The following ARFGEF1 variants were observed in gnomAD, a reference collection of about 807,000 sequenced individuals.
ARFGEF1 encodes brefeldin A-inhibited guanine nucleotide-exchange protein 1.
ARFGEF1 carries 42 observed loss-of-function variants against 231.0 expected under a neutral mutation model. The observed-to-expected ratio is 0.18, with a 90% confidence interval of 0.14 to 0.24. The LOEUF is 0.24. Ranked by LOEUF, ARFGEF1 falls within the 10% of genes least tolerant of loss-of-function variation. The probability of loss-of-function intolerance (pLI) is 1.00; values close to 1 mark genes in which losing one functional copy is unlikely to be tolerated. For synonymous variants in ARFGEF1, 710 were observed against 732.3 expected (o/e 0.97, Z 0.49); for missense variants, 1,345 against 2,192.0 (o/e 0.61, Z 7.72).
chr8:67,335,880 GGGATTACAGGCGCCCACT>G (rs1808324969), intron 1 of ARFGEF1, among the ~76,000 whole-genome samples: 1 of 151,810 alleles, frequency 6.6e-6, no homozygotes, highest in Non-Finnish European at 1.5e-5. Flanking sequence ...CTAAATAGCT[GGGATTACAGGCGCCCACT>G]GCCACCACGC....
chr8:67,250,360 G>T (rs1840241686), intron 19 of ARFGEF1, among the ~76,000 whole-genome samples: 1 of 152,152 alleles, frequency 6.6e-6, no homozygotes, highest in Non-Finnish European at 1.5e-5. Flanking sequence ...AGCAGAAATG[G>T]CACTGAGGGA....
intron 34 of ARFGEF1, among the ~76,000 whole-genome samples, chr8:67,208,839 A>G (rs977719834): frequency 6.6e-6 from 1 of 152,216 alleles, no homozygotes; most frequent in Non-Finnish European, 1.5e-5. Context: ...CAACAAGCAT[A>G]TGAAAAGATG....
chr8:67,211,571 T>A lies in ARFGEF1; in HGVS notation c.4731A>T (p.Gln1577His). ...QKSVDIHDSI[Q>H]PRSVDNRPQA... Reference sequence around the variant, plus strand: ...GTGGTCTGTTATCCACAGACCTTGGTTGAATAGAATCATGAATATCTACAG... The same window carrying A: ...GTGGTCTGTTATCCACAGACCTTGGATGAATAGAATCATGAATATCTACAG... The change falls in exon 34 of 39, where the codon CAA becomes CAT. Residue 1577 changes from glutamine (Q) to histidine (H), a missense_variant. By Grantham distance (24) the Gln-to-His change is conservative. Coordinates refer to ENST00000262215, the MANE Select transcript of ARFGEF1 (RefSeq NM_006421.5). 3 of 1,563,956 alleles carry A rather than the reference T, an allele frequency of 1.9e-6. No individual in the cohort carries two copies. The Admixed American group carries it at 5.6e-5, about 29-fold the overall frequency.
intron 7 of ARFGEF1, among the ~76,000 whole-genome samples, chr8:67,281,386 A>G (rs1285197641): frequency 6.6e-6 from 1 of 152,172 alleles, no homozygotes; most frequent in East Asian, 1.9e-4. Flanking sequence ...AGTAAAATTC[A>G]TACCCATGCA....
chr8:67,313,522 T>A (rs1587293809), intron 1 of ARFGEF1, among the ~76,000 whole-genome samples: 1 of 152,230 alleles, frequency 6.6e-6, no homozygotes, highest in Non-Finnish European at 1.5e-5. Flanking sequence ...TGTGGCTTCC[T>A]GTGAGCCGAA....
intron 16 of ARFGEF1, 122 bp downstream of exon 16, chr8:67,257,963 T>C (rs1840514668): frequency 2.5e-6 from 3 of 1,190,438 alleles, no homozygotes; most frequent in Non-Finnish European, 2.4e-6. Flanking sequence ...ACTTCCAGAT[T>C]GTAGACAATC....
chr8:67,335,070 T>G (rs1198557698), intron 1 of ARFGEF1, among the ~76,000 whole-genome samples: 11 of 152,136 alleles, frequency 7.2e-5, no homozygotes, highest in Non-Finnish European at 1.2e-4. Context: ...TAACAGTAGT[T>G]ATTTATCTTC....
Position 67,199,274 on chromosome 8 carries a change from A to G in ARFGEF1, c.5386-176T>C, listed in dbSNP as rs1587016732. 1.6e-5 allele frequency: 10 copies of G among 611,080 alleles called. No homozygotes were observed. The East Asian group carries it at 3.3e-4, about 20-fold the overall frequency. 37.9% of individuals were successfully genotyped at this position (611,080 alleles called of 1,614,324 possible). A position where few individuals can be genotyped will look rare whatever the true frequency, so the allele number is the denominator to read the frequency against. On this transcript the variant is annotated intron_variant, in intron 38 of 38. Transcript: ENST00000262215. Reference sequence around the variant, plus strand: ...CAGAAGTGTTAGAAAAACTCACTTCATACAAACACTATTCACTTACATATC... The same window carrying G: ...CAGAAGTGTTAGAAAAACTCACTTCGTACAAACACTATTCACTTACATATC...
In ARFGEF1 at chr8:67,237,844, G is replaced by A. The variant is rs560061113; in HGVS notation, c.3289+499C>T. ...CTCCTTCCATTTATGACTAAAAAAT[G>A]TATTGCTTTTCATTCTTCTCTACCC... On this transcript the variant is annotated intron_variant, in intron 22 of 38. Coordinates refer to ENST00000262215, the MANE Select transcript of ARFGEF1 (RefSeq NM_006421.5). Among the ~76,000 whole-genome samples the A allele has an allele frequency of 7.2e-4, 109 of 151,942 alleles. 2 individuals carry two copies. Among genetic ancestry groups the A allele is most frequent in the South Asian group, 5.8e-3 (28 of 4,812 alleles).
chr8:67,343,121 CCCACAACAAGCACCCCAT>C, intron 1 of ARFGEF1, 25 bp downstream of exon 1: 1 of 1,368,118 alleles, frequency 7.3e-7, no homozygotes, highest in Non-Finnish European at 9.9e-7. Flanking sequence ...CCCTCCCCGC[CCCACAACAAGCACCCCAT>C]CCCCCGGGCC....
intron 6 of ARFGEF1, 106 bp from the exon 7 acceptor site, chr8:67,288,171 A>G (rs1805840019): frequency 1.7e-6 from 1 of 587,154 alleles, no homozygotes; most frequent in East Asian, 3.2e-5. Context: ...ATAAAAGAAA[A>G]AAAATCAAAT....
chr8:67,214,985 C>G (rs957841580), intron 33 of ARFGEF1, among the ~76,000 whole-genome samples: 3 of 152,182 alleles, frequency 2.0e-5, no homozygotes, highest in African/African-American at 4.8e-5. Flanking sequence ...TATTCTCAGG[C>G]CTTAAAACTC....
Position 67,335,198 on chromosome 8 carries a change from C to T in ARFGEF1, c.124+7966G>A, listed in dbSNP as rs1808287671. 2.0e-5 allele frequency among the ~76,000 whole-genome samples: 3 copies of T among 151,298 alleles called. No homozygotes were observed. The South Asian group carries it at 6.3e-4, about 32-fold the overall frequency. On this transcript the variant is annotated intron_variant, in intron 1 of 38. Transcript: ENST00000262215. Reference sequence around the variant, plus strand: ...TCGGCTCACTGCAAGCTCCGCCTCCCGGGCTCACACCATTCTCCTGCCTCA... The same window carrying T: ...TCGGCTCACTGCAAGCTCCGCCTCCTGGGCTCACACCATTCTCCTGCCTCA...
At position 67,216,644 on chromosome 8, in the gene ARFGEF1, G is replaced by A; in HGVS notation, c.4632C>T (p.Pro1544=). 6.2e-7 allele frequency: 1 copy of A among 1,608,342 alleles called. No individual in the cohort carries two copies. Among genetic ancestry groups the A allele is most frequent in the Non-Finnish European group, 8.5e-7 (1 of 1,178,488 alleles). ...TIPHALLTWR[P]NSGETAPPPP... is the part of the protein sequence containing the mutation. The stretch of plus-strand genomic sequence containing the variant: ...GTGGGGGGGCAGTTTCTCCAGAATT[G>A]GGTCGCCAGGTCAACAGCCTTTAAG... Residue 1544 remains proline (P), a synonymous_variant, in exon 33 of 39, where the codon CCC becomes CCT. Transcript: ENST00000262215.
chr8:67,216,753 G>T, intron 32 of ARFGEF1, 91 bp from the exon 33 acceptor site: 1 of 947,252 alleles, frequency 1.1e-6, no homozygotes, highest in African/African-American at 1.7e-5. Context: ...AAAGTAACAA[G>T]AACATACCAA....
At chr8:67,308,403 G>A (rs1323007445) in intron 1 of ARFGEF1, among the ~76,000 whole-genome samples, 1 of 152,198 alleles carries the variant, frequency 6.6e-6, no homozygotes, top group Non-Finnish European at 1.5e-5. Flanking sequence ...CAAAAGGATT[G>A]CCAGGATCAT....
intron 35 of ARFGEF1, 133 bp from the exon 36 acceptor site, chr8:67,203,384 G>C (rs983170136): frequency 5.9e-5 from 60 of 1,013,616 alleles, no homozygotes; most frequent in Non-Finnish European, 8.5e-5. Flanking sequence ...CTAACAGAAA[G>C]TAAGGGAAGG....
chr8:67,199,830 T>C (rs77436933), intron 38 of ARFGEF1: 5 of 167,234 alleles, frequency 3.0e-5, no homozygotes, highest in Admixed American at 1.1e-4. Context: ...TATTTTTTTT[T>C]CTAAGAATAG....
At chr8:67,184,729 AT>A (rs1360282506) in intron 5 of ARFGEF1, among the ~76,000 whole-genome samples, 16 of 147,590 alleles carry the variant, frequency 1.1e-4, no homozygotes, top group Admixed American at 1.3e-4. Flanking sequence ...GTCTAAAAAA[AT>A]AATAATAAAA....
Sources: gnomAD v4.1 joint callset for allele counts (sites outside exome capture counted in the v4.1 genomes callset) on GRCh38, gnomAD v4.1.1 for gene constraint, MANE v1.5 for transcripts, NCBI Gene and HGNC (gene_info 2026-07-23, HGNC 2026-07-21) for gene names.